MRPS21: variants seen among roughly 807,000 people sequenced by gnomAD.
The protein encoded by MRPS21 is small ribosomal subunit protein bS21m.
A neutral mutation model predicts 9.9 loss-of-function variants in MRPS21; 8 were observed. That is an observed-to-expected ratio of 0.81 (90% CI 0.47 to 1.45). MRPS21 has a LOEUF of 1.45. Ranked by LOEUF, MRPS21 falls within the 40% of genes most tolerant of loss-of-function variation. The probability of loss-of-function intolerance (pLI) is 0.00; values close to 1 mark genes in which losing one functional copy is unlikely to be tolerated. For synonymous variants in MRPS21, 40 were observed against 40.3 expected (o/e 0.99, Z 0.03); for missense variants, 101 against 118.9 (o/e 0.85, Z 0.70).
chr1:150,304,181 C>T (rs949538569), intron 2 of MRPS21: 21 of 378,444 alleles, frequency 5.5e-5, no homozygotes, highest in South Asian at 3.6e-4. Flanking sequence ...TGTGGTGGTA[C>T]GCCCCTGTAA....
At chr1:150,302,382 T>C (rs1429715890) in intron 2 of MRPS21, among the ~76,000 whole-genome samples, 1 of 152,090 alleles carries the variant, frequency 6.6e-6, no homozygotes, top group African/African-American at 2.4e-5. Context: ...CCCTGCATGA[T>C]TGGCTGGCCC....
intron 2 of MRPS21, among the ~76,000 whole-genome samples, chr1:150,307,348 C>CATTTTTTTTT (rs1654376892): frequency 1.1e-5 from 1 of 87,552 alleles, no homozygotes; most frequent in African/African-American, 4.4e-5. Context: ...GTGCCCAGTC[C>CATTTTTTTTT]TTTTTTTTTT....
At chr1:150,307,919 C>G (rs1654402565) in intron 2 of MRPS21, 129 bp from the exon 3 acceptor site, 3 of 915,898 alleles carry the variant, frequency 3.3e-6, no homozygotes, top group South Asian at 2.4e-5. Context: ...AGTTAATGCT[C>G]TATTGCCACC....
chr1:150,307,993 G>T, intron 2 of MRPS21, 55 bp from the exon 3 acceptor site: 1 of 1,432,594 alleles, frequency 7.0e-7, no homozygotes, highest in Non-Finnish European at 9.4e-7. Flanking sequence ...TTATGAAACT[G>T]GAAAAGAATA....
At chr1:150,305,417 G>C (rs1294513637) in intron 2 of MRPS21, among the ~76,000 whole-genome samples, 1 of 152,138 alleles carries the variant, frequency 6.6e-6, no homozygotes, top group Admixed American at 6.6e-5. Context: ...GTTTACAGAT[G>C]TGATAACAAT....
chr1:150,294,147 A>T (rs1449337088), intron 1 of MRPS21, 188 bp from the exon 2 acceptor site: 31 of 488,380 alleles, frequency 6.3e-5, no homozygotes, highest in Non-Finnish European at 1.0e-4. Flanking sequence ...CTATGCGAGG[A>T]TTTGGACTGG....
At chr1:150,306,820 C>T (rs188115124) in intron 2 of MRPS21, among the ~76,000 whole-genome samples, 17 of 152,154 alleles carry the variant, frequency 1.1e-4, no homozygotes, top group Admixed American at 5.9e-4. Flanking sequence ...AAGAGAATCA[C>T]CTTAAGAATC....
At chr1:150,306,984 C>T (rs1259446588) in intron 2 of MRPS21, among the ~76,000 whole-genome samples, 1 of 151,944 alleles carries the variant, frequency 6.6e-6, no homozygotes, top group Admixed American at 6.6e-5. Flanking sequence ...GATTTGAGAA[C>T]ATAACTTTGA....
intron 2 of MRPS21, chr1:150,304,755 C>CAA (rs143084308): frequency 0.78 from 101,249 of 129,474 alleles, 40,182 homozygotes; most frequent in East Asian, 0.99. Context: ...GACTCTGTCT[C>CAA]AAAAAAAAAA....
chr1:150,296,139 A>T (rs946346527), intron 2 of MRPS21, among the ~76,000 whole-genome samples: 1 of 151,852 alleles, frequency 6.6e-6, no homozygotes, highest in Non-Finnish European at 1.5e-5. Context: ...TTTAGTAGAG[A>T]GGGTTTCACC....
intron 2 of MRPS21, chr1:150,304,779 CG>C (rs1553858283): frequency 2.0e-5 from 3 of 152,004 alleles, no homozygotes; most frequent in African/African-American, 8.2e-5. Flanking sequence ...AGGCCGGTTG[CG>C]GTGGCTCATG....
chr1:150,308,038 C>CT lies in MRPS21; in HGVS notation c.84-7dup. The CT allele has an allele frequency of 6.4e-7, 1 of 1,569,826 alleles. No homozygotes were observed. Among genetic ancestry groups the CT allele is most frequent in the Non-Finnish European group, 8.7e-7 (1 of 1,145,616 alleles). On this transcript the variant is annotated splice_polypyrimidine_tract_variant and intron_variant, in intron 2 of 2. Coordinates refer to ENST00000614145, the MANE Select transcript of MRPS21 (RefSeq NM_031901.6). ...CCAAATGTCTAACCTCATTGCTTGC[C>CT]TTTATACAGAATCCTCACTATGGAT... is the stretch of plus-strand genomic sequence containing the variant.
rs373311922 is a variant in MRPS21, at chr1:150,306,758, G to A, written c.84-1290G>A. 3.3e-5 allele frequency among the ~76,000 whole-genome samples: 5 copies of A among 152,220 alleles called. No homozygotes were observed. The East Asian group carries it at 9.7e-4, about 29-fold the overall frequency. On this transcript the variant is annotated intron_variant, in intron 2 of 2. Coordinates refer to ENST00000614145, the MANE Select transcript of MRPS21 (RefSeq NM_031901.6). Reference sequence around the variant, plus strand: ...GATCCGCCCACCTCGGCCTCCCACAGTGCTGGAATTACAGGTGTGAGCCAC... The same window carrying A: ...GATCCGCCCACCTCGGCCTCCCACAATGCTGGAATTACAGGTGTGAGCCAC...
intron 1 of MRPS21, 96 bp downstream of exon 1, chr1:150,293,994 G>A (rs1454968789): frequency 4.0e-6 from 1 of 250,540 alleles, no homozygotes; most frequent in Non-Finnish European, 8.2e-6. Flanking sequence ...CCAACAAAGA[G>A]TCCTTCCCCA....
Position 150,308,061 on chromosome 1 carries a change from G to T in MRPS21, c.97G>T (p.Asp33Tyr). The stretch of plus-strand genomic sequence containing the variant: ...GCCTTTATACAGAATCCTCACTATG[G>T]ATGGGCTCATTGAGGACATTAAGCA... Reference protein sequence around the residue: ...YRTLNRILTMDGLIEDIKHRR... With the variant: ...YRTLNRILTMYGLIEDIKHRR... Residue 33 changes from aspartate to tyrosine, a missense_variant, in exon 3 of 3, where the codon GAT becomes TAT. By Grantham distance (160) the Asp-to-Tyr change is radical (BLOSUM62 -3). Transcript: ENST00000614145. The T allele has an allele frequency of 1.3e-6, 2 of 1,585,864 alleles. No individual in the cohort carries two copies. Among genetic ancestry groups the T allele is most frequent in the Non-Finnish European group, 1.7e-6 (2 of 1,156,436 alleles).
At chr1:150,297,463 G>C (rs1442409417) in intron 2 of MRPS21, among the ~76,000 whole-genome samples, 1 of 152,122 alleles carries the variant, frequency 6.6e-6, no homozygotes, top group African/African-American at 2.4e-5. Context: ...CCTGAGGTCA[G>C]GAGTTCAATA....
chr1:150,305,122 TG>T, intron 2 of MRPS21: 1 of 240,710 alleles, frequency 4.2e-6, no homozygotes, highest in Non-Finnish European at 8.5e-6. Context: ...CTCAACCTCC[TG>T]GGATAAAGCA....
intron 2 of MRPS21, among the ~76,000 whole-genome samples, chr1:150,294,996 ATTTT>A (rs1449221647): frequency 7.3e-6 from 1 of 136,594 alleles, no homozygotes. Context: ...TTTAATTTTA[ATTTT>A]TTTTTTTTTT....
intron 2 of MRPS21, among the ~76,000 whole-genome samples, chr1:150,307,254 G>T (rs1439010059): frequency 1.3e-5 from 2 of 151,368 alleles, no homozygotes; most frequent in Non-Finnish European, 2.9e-5. Flanking sequence ...CACCATATTG[G>T]TCAGGCTGGT....
Sources: allele counts gnomAD v4.1 joint callset (sites outside exome capture counted in the v4.1 genomes callset), GRCh38; gene constraint gnomAD v4.1.1; transcripts MANE v1.5; gene names NCBI Gene and HGNC (gene_info 2026-07-23, HGNC 2026-07-21).